Variants in MAP2 observed in about 807,000 individuals in gnomAD.
The protein encoded by MAP2 is microtubule associated protein 2.
A neutral mutation model predicts 137.6 loss-of-function variants in MAP2; 14 were observed. The ratio of observed to expected loss-of-function variants is 0.10; its 90% CI spans 0.07 to 0.16. The LOEUF (loss-of-function observed/expected upper bound fraction) is 0.16, where lower values mean the gene tolerates loss of function less well. Ranked by LOEUF, MAP2 falls within the 10% of genes least tolerant of loss-of-function variation. The pLI, the probability that MAP2 is intolerant of heterozygous loss-of-function variation, is 1.00. For missense variants in MAP2, 2,088 were observed against 2,191.5 expected (o/e 0.95, Z 0.94); for synonymous variants, 786 against 782.3 (o/e 1.00, Z -0.08).
intron 5 of MAP2, among the ~76,000 whole-genome samples, chr2:209,668,829 G>A (rs2047477528): frequency 6.6e-6 from 1 of 151,950 alleles, no homozygotes; most frequent in South Asian, 2.1e-4. Flanking sequence ...ATAGTAGGAT[G>A]GTTCAAATTT....
intron 13 of MAP2, 61 bp from the exon 14 acceptor site, chr2:209,725,648 T>A (rs939519160): frequency 1.0e-5 from 11 of 1,088,878 alleles, no homozygotes; most frequent in Non-Finnish European, 1.5e-5. Flanking sequence ...ATCTTATGTA[T>A]GAGCTTGGGT....
intron 2 of MAP2, among the ~76,000 whole-genome samples, chr2:209,574,858 T>C (rs947971428): frequency 5.3e-5 from 8 of 152,248 alleles, no homozygotes; most frequent in Non-Finnish European, 8.8e-5. Context: ...CACATCTGCC[T>C]ATTTGATTTA....
At chr2:209,490,624 A>G (rs2058978242) in intron 1 of MAP2, among the ~76,000 whole-genome samples, 1 of 144,518 alleles carries the variant, frequency 6.9e-6, no homozygotes, top group African/African-American at 2.5e-5. Flanking sequence ...AAAAAAAAAA[A>G]AAAAAAAAAA....
chr2:209,693,437 A>G lies in MAP2; in HGVS notation c.1267A>G (p.Arg423Gly). 6.2e-7 allele frequency: 1 copy of G among 1,613,992 alleles called. No individual in the cohort carries two copies. Residue 423 changes from arginine (R) to glycine (G), a missense_variant, in exon 8 of 16, where the codon AGG becomes GGG. Transcript: ENST00000682079. ...EAINQETVQQ[R>G]DTFTPSGQEP... ...CATAAATCAAGAGACTGTGCAGCAA[A>G]GGGATACTTTCACCCCCAGTGGACA...
At chr2:209,664,112 T>C (rs961921264) in intron 5 of MAP2, among the ~76,000 whole-genome samples, 1 of 152,248 alleles carries the variant, frequency 6.6e-6, no homozygotes, top group African/African-American at 2.4e-5. Flanking sequence ...GGTTACTTGT[T>C]ATTTGTTTTT....
At chr2:209,454,758 T>A (rs903147077) in intron 1 of MAP2, among the ~76,000 whole-genome samples, 1 of 152,208 alleles carries the variant, frequency 6.6e-6, no homozygotes, top group African/African-American at 2.4e-5. Flanking sequence ...AACAAATATT[T>A]GTGTACTAGA....
intron 2 of MAP2, among the ~76,000 whole-genome samples, chr2:209,573,090 A>T (rs1190790066): frequency 6.6e-6 from 1 of 152,160 alleles, no homozygotes; most frequent in African/African-American, 2.4e-5. Context: ...CATGAATCAG[A>T]GTCTCATGGC....
rs150454433 is a variant in MAP2 at position 209,695,222 on chromosome 2, G to C, written c.3052G>C (p.Gly1018Arg). The change falls in exon 8 of 16, where the codon GGT becomes CGT. Residue 1018 changes from glycine to arginine, a missense_variant. By Grantham distance (125) the Gly-to-Arg change is moderately radical. This residue lies in a region of MAP2 where 500 missense variants were observed against 482.9 expected (regional missense o/e 1.04). Coordinates refer to ENST00000682079, the MANE Select transcript of MAP2 (RefSeq NM_001375505.1). ...TGCATCCTCTGAGAAAGCAGAGAAG[G>C]GTCTTAGTTCAGTGCCAGAGATAGC... The part of the protein sequence containing the change: ...TDASSEKAEK[G>R]LSSVPEIAEV... The C allele has an allele frequency of 3.1e-6, 5 of 1,614,068 alleles. No individual in the cohort carries two copies. The highest frequency in any genetic ancestry group is 4.2e-6 in the Non-Finnish European group (5 of 1,180,008).
At chr2:209,697,185 A>C (rs777655050) in intron 10 of MAP2, 134 bp downstream of exon 10, 3 of 827,680 alleles carry the variant, frequency 3.6e-6, no homozygotes, top group Non-Finnish European at 5.5e-6. Context: ...TTTGCTATTA[A>C]GTGTCTTGTA....
At chr2:209,623,249 T>C (rs192762621) in intron 3 of MAP2, among the ~76,000 whole-genome samples, 1 of 152,210 alleles carries the variant, frequency 6.6e-6, no homozygotes, top group East Asian at 1.9e-4. Context: ...TGGAAGTGCG[T>C]GGGAGTGGCT....
intron 1 of MAP2, among the ~76,000 whole-genome samples, chr2:209,486,157 T>C (rs543709249): frequency 1.3e-5 from 2 of 152,334 alleles, no homozygotes; most frequent in African/African-American, 4.8e-5. Flanking sequence ...TGCCTTGCCC[T>C]GAAGCACGTC....
chr2:209,464,856 G>A (rs1052187007), intron 1 of MAP2, among the ~76,000 whole-genome samples: 1 of 151,972 alleles, frequency 6.6e-6, no homozygotes, highest in Non-Finnish European at 1.5e-5. Context: ...TCTTAAAAAA[G>A]TGTTCTTTTT....
rs1032309857 is a variant in MAP2, at chr2:209,731,339, A to G, written c.*942A>G. The G allele has an allele frequency of 6.6e-6, 1 of 152,584 alleles. No individual in the cohort carries two copies. 9.5% of individuals were successfully genotyped at this position (152,584 alleles called of 1,614,324 possible). On this transcript the variant is annotated 3_prime_UTR_variant, in exon 16 of 16. Coordinates refer to ENST00000682079, the MANE Select transcript of MAP2 (RefSeq NM_001375505.1). ...TTCTCTCCCTATTTAAAAAAAATAC[A>G]TTAAAAAAGACAAAAAATTTTAGCA...
In MAP2 at chr2:209,669,291, G is replaced by A. The variant is rs142901406; in HGVS notation, c.263-9281G>A. Among the ~76,000 whole-genome samples, 28 of 152,150 alleles carry A rather than the reference G, an allele frequency of 1.8e-4. No individual in the cohort carries two copies. In the East Asian group the frequency reaches 5.4e-3, roughly 29 times the overall value. Reference sequence around the variant, plus strand: ...GTTGGTTTTTCCATGTGAACATTGAGTGTACCTTCTGATGTATTTTGAACA... The same window carrying A: ...GTTGGTTTTTCCATGTGAACATTGAATGTACCTTCTGATGTATTTTGAACA... On this transcript the variant is annotated intron_variant, in intron 5 of 15. Coordinates refer to ENST00000682079, the MANE Select transcript of MAP2 (RefSeq NM_001375505.1).
rs997538540 is a variant in MAP2, at chr2:209,424,199, C to G, written c.-299C>G. Reference sequence around the variant, plus strand: ...TTCTTCCCCTAACCCTTCTACCCCTCTCCTTTTTCTCCGGAGGGCGCTAAG... The same window carrying G: ...TTCTTCCCCTAACCCTTCTACCCCTGTCCTTTTTCTCCGGAGGGCGCTAAG... On this transcript the variant is annotated 5_prime_UTR_variant, in exon 1 of 16. Coordinates refer to ENST00000682079, the MANE Select transcript of MAP2 (RefSeq NM_001375505.1). 1 of 152,266 alleles carries G rather than the reference C, an allele frequency of 6.6e-6. No individual in the cohort carries two copies. The highest frequency in any genetic ancestry group is 2.4e-5 in the African/African-American group (1 of 41,394). The allele number at this position is 152,266 out of a possible 1,614,324, so 9.4% of individuals were successfully genotyped here. A position where few individuals can be genotyped will look rare whatever the true frequency, so the allele number is the denominator to read the frequency against.
At chr2:209,573,960 C>T (rs1394485694) in intron 2 of MAP2, among the ~76,000 whole-genome samples, 7 of 152,080 alleles carry the variant, frequency 4.6e-5, no homozygotes, top group Non-Finnish European at 7.4e-5. Context: ...GTCAGCACTT[C>T]ACTTTTTTAT....
At chr2:209,573,297 T>TG (rs2074716670) in intron 2 of MAP2, among the ~76,000 whole-genome samples, 2 of 141,502 alleles carry the variant, frequency 1.4e-5, no homozygotes, top group African/African-American at 5.7e-5. Flanking sequence ...TTTCTTTTTC[T>TG]GTTTTTTTTT....
intron 2 of MAP2, among the ~76,000 whole-genome samples, chr2:209,574,487 CCATT>C (rs1039613437): frequency 2.0e-5 from 3 of 148,488 alleles, no homozygotes; most frequent in African/African-American, 7.9e-5. Flanking sequence ...GTTTCTTTAT[CCATT>C]CATCCATCTA....
At chr2:209,562,262 A>G (rs1243722817) in intron 2 of MAP2, among the ~76,000 whole-genome samples, 1 of 152,206 alleles carries the variant, frequency 6.6e-6, no homozygotes, top group Non-Finnish European at 1.5e-5. Context: ...ATAATGCCCA[A>G]GGCACTACAA....
Sources: allele counts gnomAD v4.1 joint callset (sites outside exome capture counted in the v4.1 genomes callset), GRCh38; gene constraint gnomAD v4.1.1; regional missense constraint gnomAD v4.1.1; transcripts MANE v1.5; gene names NCBI Gene and HGNC (gene_info 2026-07-23, HGNC 2026-07-21).